TOP1MT: variants seen among roughly 807,000 people sequenced by gnomAD.
TOP1MT encodes DNA topoisomerase I mitochondrial.
In TOP1MT, 80 loss-of-function variants were observed where a neutral mutation model predicts 73.9. The observed-to-expected ratio is 1.08, with a 90% CI of 0.90 to 1.30. TOP1MT has a LOEUF of 1.30. TOP1MT is among the 50% of genes most tolerant of loss of function. The pLI, the probability that TOP1MT is intolerant of heterozygous loss-of-function variation, is 0.00. For synonymous variants in TOP1MT, 338 were observed against 326.4 expected (o/e 1.04, Z -0.38); for missense variants, 815 against 808.0 (o/e 1.01, Z -0.10).
intron 7 of TOP1MT, among the ~76,000 whole-genome samples, chr8:143,321,939 C>CACAG (rs200918209): frequency 6.5e-5 from 4 of 61,462 alleles, no homozygotes; most frequent in Admixed American, 2.4e-4. Flanking sequence ...ACGCCACACA[C>CACAG]GCACGCCACA....
intron 1 of TOP1MT, chr8:143,331,899 G>A (rs549114775): frequency 1.9e-5 from 3 of 159,416 alleles, no homozygotes; most frequent in African/African-American, 7.2e-5. Context: ...GGGTGGAGGA[G>A]GCGGGGCAGG....
intron 13 of TOP1MT, 24 bp from the exon 14 acceptor site, chr8:143,309,567 G>C: frequency 1.2e-6 from 2 of 1,612,124 alleles, no homozygotes; most frequent in South Asian, 2.2e-5. Context: ...CATCAGCCCA[G>C]GCAAGCAGGC....
chr8:143,321,448 G>T (rs1202411140), intron 7 of TOP1MT, 62 bp from the exon 8 acceptor site: 42 of 1,404,746 alleles, frequency 3.0e-5, no homozygotes, highest in Admixed American at 1.9e-4. Flanking sequence ...ACACACGCAC[G>T]CCACACACAC....
At chr8:143,355,619 G>T (rs933216276) in intron 1 of TOP1MT, among the ~76,000 whole-genome samples, 3 of 152,158 alleles carry the variant, frequency 2.0e-5, no homozygotes, top group African/African-American at 7.2e-5. Flanking sequence ...CTGACAAGAT[G>T]ATTTATCTAA....
At chr8:143,359,714 G>A (rs905856087), upstream of TOP1MT, among the ~76,000 whole-genome samples, 5 of 152,104 alleles carry the variant, frequency 3.3e-5, no homozygotes, top group Admixed American at 3.3e-4. Flanking sequence ...TGGTGGCGTC[G>A]TGCGCGGAGG....
intron 13 of TOP1MT, chr8:143,309,852 G>C: frequency 3.3e-6 from 5 of 1,536,180 alleles, no homozygotes; most frequent in Non-Finnish European, 3.5e-6. Context: ...CCAGGCCACT[G>C]TCAGCACCCC....
chr8:143,313,284 C>T (rs183193097), intron 12 of TOP1MT, among the ~76,000 whole-genome samples: 1 of 152,306 alleles, frequency 6.6e-6, no homozygotes, highest in East Asian at 1.9e-4. Context: ...GGCGCAGTTG[C>T]TCACACCTGT....
At chr8:143,323,641 C>T (rs1292469810) in intron 7 of TOP1MT, among the ~76,000 whole-genome samples, 1 of 94,858 alleles carries the variant, frequency 1.1e-5, no homozygotes, top group South Asian at 7.4e-4. Flanking sequence ...GCACGCCACA[C>T]GCACGCCACA....
At chr8:143,326,107 AG>A (rs1816700140) in intron 4 of TOP1MT, 114 bp downstream of exon 4, 4 of 1,225,262 alleles carry the variant, frequency 3.3e-6, no homozygotes, top group Non-Finnish European at 4.5e-6. Context: ...AGAAAAGAGC[AG>A]CTTTGTGAGA....
At chr8:143,347,346 A>T (rs554649886), upstream of TOP1MT, among the ~76,000 whole-genome samples, 4 of 152,124 alleles carry the variant, frequency 2.6e-5, no homozygotes, top group Non-Finnish European at 4.4e-5. Context: ...TAGTAGAGAC[A>T]GGGTTTCACC....
At chr8:143,342,519 TAG>T (rs1240082383) in intron 2 of TOP1MT, among the ~76,000 whole-genome samples, 1 of 132,696 alleles carries the variant, frequency 7.5e-6, no homozygotes, top group Non-Finnish European at 1.6e-5. Flanking sequence ...TTATTATTAT[TAG>T]AGACAGAGTC....
intron 5 of TOP1MT, among the ~76,000 whole-genome samples, chr8:143,324,838 G>A (rs57772271): frequency 0.34 from 51,899 of 151,890 alleles, 10,162 homozygotes; most frequent in African/African-American, 0.54. Context: ...AGGCCACAGT[G>A]CACCAGGAGG....
chr8:143,329,252 G>A lies in TOP1MT; in HGVS notation c.360+98C>T, dbSNP rs1036962884. 172 of 1,374,158 alleles carry A rather than the reference G, an allele frequency of 1.3e-4. 2 individuals carry two copies. The African/African-American group carries it at 2.1e-3, about 17-fold the overall frequency. 85.1% of individuals were successfully genotyped at this position (1,374,158 alleles called of 1,614,324 possible). On this transcript the variant is annotated intron_variant, in intron 3 of 13. Coordinates refer to ENST00000329245, the MANE Select transcript of TOP1MT (RefSeq NM_052963.3). ...TGTGAGTGGTCACACAGGGGCCACCGAGAACTTGCGAGGGGCGTTCAGAGG... is the reference window on the plus strand; with the variant it reads ...TGTGAGTGGTCACACAGGGGCCACCAAGAACTTGCGAGGGGCGTTCAGAGG...
At chr8:143,321,738 CCA>C (rs1186990797) in intron 7 of TOP1MT, among the ~76,000 whole-genome samples, 3 of 127,054 alleles carry the variant, frequency 2.4e-5, no homozygotes, top group African/African-American at 6.1e-5. Context: ...CACAGGTACG[CCA>C]CACACGCACG....
upstream of TOP1MT, chr8:143,359,502 C>A: frequency 1.1e-6 from 1 of 899,414 alleles, no homozygotes; most frequent in Non-Finnish European, 1.3e-6. Context: ...GTGCAGGGCC[C>A]AAGCAGAAAG....
intron 12 of TOP1MT, among the ~76,000 whole-genome samples, chr8:143,314,329 G>A (rs1001119123): frequency 6.6e-6 from 1 of 152,164 alleles, no homozygotes; most frequent in Admixed American, 6.6e-5. Context: ...CAGGTGCAGT[G>A]GCTCATGCCT....
rs776951760 is a variant in TOP1MT at position 143,321,240 on chromosome 8, G to A, written c.1107C>T (p.Asp369=). The A allele has an allele frequency of 3.7e-6, 6 of 1,611,780 alleles. No individual in the cohort carries two copies. The Admixed American group carries it at 5.0e-5, about 13-fold the overall frequency. The change falls in exon 8 of 14, where the codon GAC becomes GAT. Residue 369 remains aspartate, a synonymous_variant. Transcript: ENST00000329245. ...GCACTCTGTTGTAGTAGCGGATGCA[G>A]TCCTTCCCCAGGAAGTCAAATTCCA... The part of the protein sequence containing the change: ...HVVEFDFLGK[D]CIRYYNRVPV...
In TOP1MT at chr8:143,321,417, G is replaced by A. The variant is rs748649590; in HGVS notation, c.961-31C>T. 22 of 1,535,960 alleles carry A rather than the reference G, an allele frequency of 1.4e-5. No homozygotes were observed. The South Asian group carries it at 2.2e-4, about 15-fold the overall frequency. ...TGGTGGGGAATGGTCAAAGTGGGTG[G>A]TGCGTGCACACGCACGCCACACACA... On this transcript the variant is annotated intron_variant, in intron 7 of 13. Transcript: ENST00000329245.
intron 1 of TOP1MT, among the ~76,000 whole-genome samples, chr8:143,333,173 G>A (rs1242426776): frequency 6.6e-6 from 1 of 152,130 alleles, no homozygotes; most frequent in African/African-American, 2.4e-5. Context: ...GGAGCCAGGC[G>A]CGGTGACTCA....
Sources: gnomAD v4.1 joint callset for allele counts (sites outside exome capture counted in the v4.1 genomes callset) on GRCh38, gnomAD v4.1.1 for gene constraint, MANE v1.5 for transcripts, NCBI Gene and HGNC (gene_info 2026-07-23, HGNC 2026-07-21) for gene names.